SLC24A2: variants seen among roughly 807,000 people sequenced by gnomAD.
SLC24A2 encodes the protein sodium/potassium/calcium exchanger 2.
Under a neutral mutation model 62.0 loss-of-function variants are expected in SLC24A2, and 36 were observed. The observed-to-expected ratio is 0.58, with a 90% CI of 0.44 to 0.77. The LOEUF (loss-of-function observed/expected upper bound fraction) is 0.77, where lower values mean the gene tolerates loss of function less well. Ranked by LOEUF, SLC24A2 falls within the 30% of genes least tolerant of loss-of-function variation. The pLI is 0.00. For missense variants in SLC24A2, 846 were observed against 817.9 expected (o/e 1.03, Z -0.42); for synonymous variants, 358 against 294.0 (o/e 1.22, Z -2.23).
At chr9:20,102,744 G>C in the SLC24A2 span, among the ~76,000 whole-genome samples, 1 of 150,136 alleles carries the variant, frequency 6.7e-6, no homozygotes, top group Non-Finnish European at 1.5e-5. Context: ...GAACAGCTCC[G>C]GTCTACAGCT....
At chr9:19,912,743 C>T in the SLC24A2 span, among the ~76,000 whole-genome samples, 1 of 152,254 alleles carries the variant, frequency 6.6e-6, no homozygotes, top group African/African-American at 2.4e-5. Flanking sequence ...GATACTATCC[C>T]ATCAACCTGC....
At chr9:20,007,879 CTTTTTTTTTTTTTTTTTT>C in the SLC24A2 span, among the ~76,000 whole-genome samples, 413 of 39,544 alleles carry the variant, frequency 0.01, 5 homozygotes, top group Non-Finnish European at 0.011. Context: ...TTACTCCTCT[CTTTTTTTTTTTTTTTTTT>C]TTTTTTTTTT....
chr9:20,012,822 T>G, the SLC24A2 span, among the ~76,000 whole-genome samples: 4 of 152,066 alleles, frequency 2.6e-5, no homozygotes, highest in Non-Finnish European at 5.9e-5. Context: ...AAAAATTAAA[T>G]ACTTAGGTGT....
chr9:20,006,343 A>AG, the SLC24A2 span, among the ~76,000 whole-genome samples: 2 of 151,782 alleles, frequency 1.3e-5, no homozygotes, highest in East Asian at 3.9e-4. Flanking sequence ...GGGTGAGGGG[A>AG]GGGGGGATGG....
At chr9:19,760,885 G>A (rs1387038902) in intron 2 of SLC24A2, among the ~76,000 whole-genome samples, 1 of 150,320 alleles carries the variant, frequency 6.7e-6, no homozygotes, top group Non-Finnish European at 1.5e-5. Flanking sequence ...GACACAGGGT[G>A]GGGAACATCA....
Position 19,550,159 on chromosome 9 carries a change from GTAA to G in SLC24A2, c.1454_1456del (p.Ile485del). On this transcript the variant is annotated inframe_deletion, in exon 8 of 11. Coordinates refer to ENST00000341998, the MANE Select transcript of SLC24A2 (RefSeq NM_020344.4). ...TACAGGTTTGCGAACGTCAGGTAAC[GTAA>G]TCCAGAGAGGAAACACTATGGGGAA... 1 of 1,614,028 alleles carries G rather than the reference GTAA, an allele frequency of 6.2e-7. No individual in the cohort carries two copies. The highest frequency in any genetic ancestry group is 8.5e-7 in the Non-Finnish European group (1 of 1,179,928).
At chr9:19,726,323 T>C (rs1536524) in intron 2 of SLC24A2, among the ~76,000 whole-genome samples, 24,026 of 152,234 alleles carry the variant, frequency 0.16, 2,331 homozygotes, top group Non-Finnish European at 0.22. Flanking sequence ...AAGGTAAAAG[T>C]AAAAGACAAA....
the SLC24A2 span, among the ~76,000 whole-genome samples, chr9:19,878,128 C>T: frequency 1.2e-4 from 18 of 151,304 alleles, no homozygotes; most frequent in Non-Finnish European, 2.5e-4. Flanking sequence ...ACTGCTCTTA[C>T]TTTTTTTTTG....
Position 19,509,524 on chromosome 9 carries a change from T to G in SLC24A2, c.*6629A>C, listed in dbSNP as rs1318364370. On this transcript the variant is annotated 3_prime_UTR_variant, in exon 11 of 11. Transcript: ENST00000341998. ...TATGGCTTTAATTAAGACAGTTGTC[T>G]CTTATGAAGTACTATAAAGTGCAAT... is the stretch of plus-strand genomic sequence containing the variant. 6.6e-6 allele frequency: 1 copy of G among 152,188 alleles called. No individual in the cohort carries two copies. Among genetic ancestry groups the G allele is most frequent in the Non-Finnish European group, 1.5e-5 (1 of 68,012 alleles). The allele number at this position is 152,188 out of a possible 1,614,324, so 9.4% of individuals were successfully genotyped here.
the SLC24A2 span, among the ~76,000 whole-genome samples, chr9:19,923,837 T>G: frequency 0.77 from 116,584 of 151,958 alleles, 47,727 homozygotes; most frequent in Non-Finnish European, 0.91. Flanking sequence ...AATCTCCGCC[T>G]CCCAGGTTCA....
chr9:19,636,390 C>CCTCCCT (rs1554690450), intron 2 of SLC24A2, among the ~76,000 whole-genome samples: 1 of 66,976 alleles, frequency 1.5e-5, no homozygotes, highest in South Asian at 5.4e-4. Flanking sequence ...TTTCTTTCTC[C>CCTCCCT]CTCTCTCTCT....
At chr9:20,092,994 C>T in the SLC24A2 span, among the ~76,000 whole-genome samples, 14 of 152,128 alleles carry the variant, frequency 9.2e-5, no homozygotes, top group East Asian at 2.7e-3. Context: ...TGTCTTAGCT[C>T]TGTTTAATGA....
chr9:20,157,916 C>A, the SLC24A2 span, among the ~76,000 whole-genome samples: 24 of 151,370 alleles, frequency 1.6e-4, no homozygotes, highest in Non-Finnish European at 2.8e-4. Context: ...TGAATCAAAT[C>A]TAAAAAAGCA....
At position 19,687,864 on chromosome 9, in the gene SLC24A2, G is replaced by C. The variant is rs192821939; in HGVS notation, c.931-65565C>G. On this transcript the variant is annotated intron_variant, in intron 2 of 10. Coordinates refer to ENST00000341998, the MANE Select transcript of SLC24A2 (RefSeq NM_020344.4). ...CCCTCAGGATCCAGGCAATGACAAA[G>C]GTGCTTGCGTTACTTAAATGTTAAT... 2.4e-3 allele frequency among the ~76,000 whole-genome samples: 363 copies of C among 152,162 alleles called. 2 individuals are homozygous for C. Among genetic ancestry groups the C allele is most frequent in the Admixed American group, 3.9e-3 (59 of 15,262 alleles).
the SLC24A2 span, among the ~76,000 whole-genome samples, chr9:20,149,749 A>G: frequency 2.3e-4 from 35 of 152,190 alleles, no homozygotes; most frequent in African/African-American, 7.7e-4. Flanking sequence ...CAGACCATAC[A>G]AAAACAGGCA....
chr9:19,791,154 C>T (rs1245269545), upstream of SLC24A2, among the ~76,000 whole-genome samples: 1 of 152,196 alleles, frequency 6.6e-6, no homozygotes, highest in Non-Finnish European at 1.5e-5. Flanking sequence ...ATCTGGGAAC[C>T]CAGATCTTTT....
intron 2 of SLC24A2, among the ~76,000 whole-genome samples, chr9:19,735,493 C>A (rs1821480306): frequency 6.6e-6 from 1 of 152,074 alleles, no homozygotes; most frequent in African/African-American, 2.4e-5. Flanking sequence ...TTGACCCAGC[C>A]ATCCCATTAC....
intron 2 of SLC24A2, among the ~76,000 whole-genome samples, chr9:19,623,911 G>A (rs938793991): frequency 2.6e-5 from 4 of 152,106 alleles, no homozygotes; most frequent in East Asian, 1.9e-4. Flanking sequence ...CACTAAATTC[G>A]CCTTAACCCT....
the SLC24A2 span, among the ~76,000 whole-genome samples, chr9:20,092,730 T>C: frequency 3.9e-5 from 6 of 152,222 alleles, no homozygotes; most frequent in Non-Finnish European, 7.3e-5. Flanking sequence ...CATTTGTGTG[T>C]GCAGGGCAGG....
Sources: gnomAD v4.1 joint callset for allele counts (sites outside exome capture counted in the v4.1 genomes callset) on GRCh38, gnomAD v4.1.1 for gene constraint, MANE v1.5 for transcripts, NCBI Gene and HGNC (gene_info 2026-07-23, HGNC 2026-07-21) for gene names.